The following HAO2 variants were observed in gnomAD, a reference collection of about 807,000 sequenced individuals.
The protein encoded by HAO2 is 2-Hydroxyacid oxidase 2.
In HAO2, 42 loss-of-function variants were observed where a neutral mutation model predicts 37.4. The ratio of observed to expected loss-of-function variants is 1.12; its 90% CI spans 0.88 to 1.45. HAO2 has a LOEUF of 1.45. Ranked by LOEUF, HAO2 falls within the 40% of genes most tolerant of loss-of-function variation. The probability of loss-of-function intolerance (pLI) is 0.00; values close to 1 mark genes in which losing one functional copy is unlikely to be tolerated. For missense variants in HAO2, 476 were observed against 430.2 expected (o/e 1.11, Z -0.94); for synonymous variants, 180 against 162.8 (o/e 1.11, Z -0.81).
At chr1:119,371,526 G>A (rs1649011225) in intron 1 of HAO2, among the ~76,000 whole-genome samples, 1 of 152,066 alleles carries the variant, frequency 6.6e-6, no homozygotes, top group South Asian at 2.1e-4. Flanking sequence ...TCTAAGGTCC[G>A]TGCCAACTCT....
chr1:119,389,477 A>G (rs1650697886), intron 5 of HAO2, among the ~76,000 whole-genome samples: 1 of 151,684 alleles, frequency 6.6e-6, no homozygotes, highest in Non-Finnish European at 1.5e-5. Flanking sequence ...GATTATGGCC[A>G]TTCTTGTAGC....
chr1:119,389,180 C>G (rs1233028853), intron 5 of HAO2, among the ~76,000 whole-genome samples: 1 of 18,524 alleles, frequency 5.4e-5, no homozygotes, highest in African/African-American at 3.5e-4. Flanking sequence ...ACCACAGTTT[C>G]TTTATCCACT....
chr1:119,385,472 C>A (rs1019654947), intron 4 of HAO2: 1 of 778,320 alleles, frequency 1.3e-6, no homozygotes, highest in Non-Finnish European at 1.6e-6. Flanking sequence ...AGGGGATGTT[C>A]ATGACCAAAG....
In HAO2 at chr1:119,385,547, A is replaced by G. The variant is rs1650311313; in HGVS notation, c.561+494A>G. ...ACTGCCTTGAAACTGAGGAATCAAT[A>G]TCTCTGCACACATAGAGCTCATTTG... On this transcript the variant is annotated intron_variant, in intron 4 of 7. Transcript: ENST00000325945. The G allele has an allele frequency of 1.2e-5, 11 of 936,912 alleles. 1 individual carries two copies. The highest frequency in any genetic ancestry group is 5.5e-4 in the Middle Eastern group (1 of 1,810). The allele number at this position is 936,912 out of a possible 1,614,324, so 58.0% of individuals were successfully genotyped here.
At chr1:119,388,141 ACCCAAC>A (rs1428704637) in intron 5 of HAO2, among the ~76,000 whole-genome samples, 3 of 152,230 alleles carry the variant, frequency 2.0e-5, no homozygotes, top group South Asian at 4.1e-4. Flanking sequence ...GAGCTCTCTC[ACCCAAC>A]CCCTGCCAGG....
chr1:119,378,174 G>A (rs587633291), intron 1 of HAO2, among the ~76,000 whole-genome samples: 1 of 152,258 alleles, frequency 6.6e-6, no homozygotes, highest in South Asian at 2.1e-4. Flanking sequence ...ATCTTTAGAA[G>A]CTACCAGAAC....
At position 119,384,926 on chromosome 1, in the gene HAO2, TA is replaced by T; in HGVS notation, c.435del (p.Glu146AsnfsTer3). ...CTGAACAAACAGTTGATCCAGAGGG[TA>T]GAATCCCTAGGTTTCAAAGCTTTGG... ...LQLNKQLIQR[V>X]ESLGFKALVI... On this transcript the variant is annotated frameshift_variant, in exon 4 of 8. Transcript: ENST00000325945. LOFTEE classifies it high-confidence loss of function. 6.2e-7 allele frequency: 1 copy of T among 1,613,936 alleles called. No individual in the cohort carries two copies. The highest frequency in any genetic ancestry group is 8.5e-7 in the Non-Finnish European group (1 of 1,179,860).
intron 5 of HAO2, among the ~76,000 whole-genome samples, chr1:119,388,019 C>G (rs1195484036): frequency 1.3e-5 from 2 of 152,182 alleles, no homozygotes; most frequent in African/African-American, 4.8e-5. Flanking sequence ...AGGGGTCACC[C>G]TTCACTGTGT....
rs1407643865 is a variant in HAO2 at position 119,386,623 on chromosome 1, G to C, written c.563G>C (p.Gly188Ala). 1.9e-6 allele frequency: 3 copies of C among 1,591,720 alleles called. No homozygotes were observed. Among genetic ancestry groups the C allele is most frequent in the Non-Finnish European group, 2.6e-6 (3 of 1,159,976 alleles). ...AAGTTCCCTTTTTATTTCCTATAGGGAAATGCAATACCTTATTTCCAGATG... is the reference window on the plus strand; with the variant it reads ...AAGTTCCCTTTTTATTTCCTATAGGCAAATGCAATACCTTATTTCCAGATG... ...TLTDLQSPKKGNAIPYFQMTP... is the reference protein window; with the variant it reads ...TLTDLQSPKKANAIPYFQMTP... Residue 188 changes from glycine to alanine, a missense_variant and splice_region_variant, in exon 5 of 8, where the codon GGA becomes GCA. Transcript: ENST00000325945.
At chr1:119,385,820 G>A in intron 4 of HAO2, 1 of 985,242 alleles carries the variant, frequency 1.0e-6, no homozygotes, top group Non-Finnish European at 1.2e-6. Context: ...GCCTTGAGGT[G>A]CTCCAAAATC....
chr1:119,384,487 A>G (rs1177317594), intron 3 of HAO2, among the ~76,000 whole-genome samples: 1 of 152,188 alleles, frequency 6.6e-6, no homozygotes, highest in Non-Finnish European at 1.5e-5. Flanking sequence ...GAAGGCTATA[A>G]CACAACCAAC....
chr1:119,383,132 G>C (rs1419908633), intron 3 of HAO2, 66 bp downstream of exon 3: 3 of 1,203,962 alleles, frequency 2.5e-6, no homozygotes, highest in Admixed American at 4.1e-5. Flanking sequence ...AGTGGCAGAG[G>C]CTCCAAGATT....
chr1:119,385,148 T>C, intron 4 of HAO2, 95 bp downstream of exon 4: 1 of 1,506,710 alleles, frequency 6.6e-7, no homozygotes, highest in Non-Finnish European at 8.9e-7. Context: ...TCCACAGGCA[T>C]TTATCGAACA....
chr1:119,391,629 A>G (rs1044006898), intron 5 of HAO2, among the ~76,000 whole-genome samples: 1 of 152,166 alleles, frequency 6.6e-6, no homozygotes, highest in Non-Finnish European at 1.5e-5. Context: ...TGTTCAACCC[A>G]GTTTCCCAAG....
rs1415332113 is a variant in HAO2 at position 119,382,945 on chromosome 1, T to A, written c.162T>A (p.Asp54Glu). The A allele has an allele frequency of 1.2e-5, 19 of 1,613,518 alleles. No individual in the cohort carries two copies. Among genetic ancestry groups the A allele is most frequent in the Non-Finnish European group, 1.5e-5 (18 of 1,179,524 alleles). Residue 54 changes from aspartate (D) to glutamate (E), a missense_variant, in exon 3 of 8, where the codon GAT becomes GAA. Coordinates refer to ENST00000325945, the MANE Select transcript of HAO2 (RefSeq NM_016527.4). The stretch of plus-strand genomic sequence containing the variant: ...GCCTCCGTCCGCGGTACCTGAGAGA[T>A]GTGTCTGAGGTGGACACCAGAACCA... ...RIRLRPRYLR[D>E]VSEVDTRTTI...
At chr1:119,388,643 T>C (rs1423784009) in intron 5 of HAO2, among the ~76,000 whole-genome samples, 1 of 152,224 alleles carries the variant, frequency 6.6e-6, no homozygotes, top group African/African-American at 2.4e-5. Context: ...TGTATAACCC[T>C]GCCTCACTTG....
intron 5 of HAO2, among the ~76,000 whole-genome samples, chr1:119,389,054 C>T (rs1212992982): frequency 6.9e-6 from 1 of 143,978 alleles, no homozygotes; most frequent in African/African-American, 2.6e-5. Flanking sequence ...AATTACTTCA[C>T]TTAGAATAAC....
chr1:119,386,725 A>G lies in HAO2; in HGVS notation c.665A>G (p.Lys222Arg), dbSNP rs1177818748. 6.2e-7 allele frequency: 1 copy of G among 1,613,326 alleles called. No homozygotes were observed. The highest frequency in any genetic ancestry group is 8.5e-7 in the Non-Finnish European group (1 of 1,179,416). Residue 222 changes from lysine (K) to arginine (R), a missense_variant, in exon 5 of 8, where the codon AAA becomes AGA. Lys to Arg is a conservative substitution (Grantham distance 26, BLOSUM62 2). Transcript: ENST00000325945. ...ATAACTCGATTGCCCATCATCCTGA[A>G]AGGGATTTTGACAAAAGAGGATGCA... ...QSITRLPIIL[K>R]GILTKEDAEL...
chr1:119,375,290 T>C (rs1410710547), intron 1 of HAO2, among the ~76,000 whole-genome samples: 3 of 152,142 alleles, frequency 2.0e-5, no homozygotes, highest in South Asian at 2.1e-4. Flanking sequence ...AAAGAAAGTA[T>C]ATACAAATAT....
Sources: allele counts gnomAD v4.1 joint callset (sites outside exome capture counted in the v4.1 genomes callset), GRCh38; gene constraint gnomAD v4.1.1; transcripts MANE v1.5; gene names NCBI Gene and HGNC (gene_info 2026-07-23, HGNC 2026-07-21).